Variants in DCC observed in about 807,000 individuals in gnomAD.
DCC encodes the protein netrin receptor DCC.
Under a neutral mutation model 172.5 loss-of-function variants are expected in DCC, and 58 were observed. That is an observed-to-expected ratio of 0.34 (90% CI 0.27 to 0.42). The LOEUF is 0.42. DCC is among the 10% of genes least tolerant of loss of function. The pLI, the probability that DCC is intolerant of heterozygous loss-of-function variation, is 1.00. For synonymous variants in DCC, 709 were observed against 644.5 expected, an observed-to-expected ratio of 1.10 and a Z score of -1.52; for missense variants, 1,740 against 1,791.0, an observed-to-expected ratio of 0.97 and a Z score of 0.51.
At chr18:53,183,955 A>G (rs2055239145) in intron 9 of DCC, among the ~76,000 whole-genome samples, 1 of 151,600 alleles carries the variant, frequency 6.6e-6, no homozygotes, top group African/African-American at 2.4e-5. Flanking sequence ...CAAAAATGAA[A>G]TATGATAACA....
intron 1 of DCC, among the ~76,000 whole-genome samples, chr18:52,537,292 A>T (rs2032315881): frequency 6.6e-6 from 1 of 152,342 alleles, no homozygotes; most frequent in Admixed American, 6.5e-5. Flanking sequence ...CTCCTTTATG[A>T]TATATTTAGA....
At chr18:53,029,201 T>TTATA (rs1342252567) in intron 5 of DCC, among the ~76,000 whole-genome samples, 1 of 152,142 alleles carries the variant, frequency 6.6e-6, no homozygotes, top group African/African-American at 2.4e-5. Flanking sequence ...TTTTAGCCAG[T>TTATA]TATAACTCAT....
At chr18:53,396,067 C>T (rs957733236) in intron 17 of DCC, among the ~76,000 whole-genome samples, 4 of 150,788 alleles carry the variant, frequency 2.7e-5, no homozygotes, top group Non-Finnish European at 5.9e-5. Flanking sequence ...ATGAAATATA[C>T]AATTTTCATA....
At chr18:52,688,125 T>TC (rs2035870928) in intron 1 of DCC, among the ~76,000 whole-genome samples, 2 of 112,990 alleles carry the variant, frequency 1.8e-5, no homozygotes. Context: ...TCAGGGATCT[T>TC]CTTTTTTTTT....
intron 7 of DCC, among the ~76,000 whole-genome samples, chr18:53,090,698 CAAAA>C (rs59898050): frequency 3.3e-3 from 131 of 39,326 alleles, no homozygotes; most frequent in African/African-American, 4.7e-3. Flanking sequence ...CGTCCCCCAA[CAAAA>C]AAAAAAAAAA....
At chr18:53,431,657 G>A (rs185245881) in intron 21 of DCC, among the ~76,000 whole-genome samples, 211 of 152,038 alleles carry the variant, frequency 1.4e-3, no homozygotes, top group Non-Finnish European at 2.3e-3. Flanking sequence ...GCTAATTTTC[G>A]TATTTTTAGT....
chr18:53,026,440 C>G (rs1485326359), intron 5 of DCC, among the ~76,000 whole-genome samples: 1 of 152,160 alleles, frequency 6.6e-6, no homozygotes, highest in Admixed American at 6.6e-5. Flanking sequence ...ATTCAACATT[C>G]TAATGGCTGG....
At chr18:52,705,197 C>T (rs185468153) in intron 1 of DCC, among the ~76,000 whole-genome samples, 42 of 152,192 alleles carry the variant, frequency 2.8e-4, no homozygotes, top group Admixed American at 1.0e-3. Flanking sequence ...GGGATAGTGG[C>T]GAACAATTGT....
chr18:53,404,757 TA>T (rs143351711), intron 19 of DCC, among the ~76,000 whole-genome samples: 36,191 of 148,062 alleles, frequency 0.24, 4,841 homozygotes, highest in East Asian at 0.41. Flanking sequence ...AATAAAAAAT[TA>T]AAAAAAAAAG....
In DCC at chr18:53,428,401, A is replaced by AATATATTACATATATAATATAAT. The variant is rs1568125999; in HGVS notation, c.3164-6738_3164-6716dup. 7.4e-3 allele frequency among the ~76,000 whole-genome samples: 411 copies of AATATATTACATATATAATATAAT among 55,836 alleles called. 18 individuals are homozygous for AATATATTACATATATAATATAAT. The highest frequency in any genetic ancestry group is 9.8e-3 in the Non-Finnish European group (271 of 27,620). The allele number at this position is 55,836 out of a possible 152,430, so 36.6% of individuals were successfully genotyped here. A position where few individuals can be genotyped will look rare whatever the true frequency, so the allele number is the denominator to read the frequency against. On this transcript the variant is annotated intron_variant, in intron 21 of 28. Coordinates refer to ENST00000442544, the MANE Select transcript of DCC (RefSeq NM_005215.4). ...TAATATATTGTATATAATATAATAT[A>AATATATTACATATATAATATAAT]ATATATTACATATATAATATAATAT... is the stretch of plus-strand genomic sequence containing the variant.
chr18:52,475,052 T>C (rs997106406), intron 1 of DCC, among the ~76,000 whole-genome samples: 1 of 152,228 alleles, frequency 6.6e-6, no homozygotes, highest in African/African-American at 2.4e-5. Context: ...ATTTCAGTCA[T>C]CATGATCTCA....
In DCC at chr18:53,532,716, A is replaced by T. The variant is rs141626397; in HGVS notation, c.*2063A>T. On this transcript the variant is annotated 3_prime_UTR_variant, in exon 29 of 29. Transcript: ENST00000442544. ...ATGGAACATTCTCCTTAGGCACTTGACACCCACGAGGGTAATCCTGAGTGC... is the reference window on the plus strand; with the variant it reads ...ATGGAACATTCTCCTTAGGCACTTGTCACCCACGAGGGTAATCCTGAGTGC... 6.6e-5 allele frequency: 10 copies of T among 152,176 alleles called. No homozygotes were observed. Among genetic ancestry groups the T allele is most frequent in the Non-Finnish European group, 1.5e-4 (10 of 68,020 alleles). 9.4% of individuals were successfully genotyped at this position (152,176 alleles called of 1,614,324 possible).
intron 1 of DCC, among the ~76,000 whole-genome samples, chr18:52,583,267 A>G (rs925459940): frequency 1.4e-4 from 22 of 152,236 alleles, no homozygotes; most frequent in Admixed American, 1.2e-3. Flanking sequence ...TGCAATAAAA[A>G]CACTGGAGAG....
chr18:53,356,266 A>C (rs1200307868), intron 15 of DCC, among the ~76,000 whole-genome samples: 1 of 152,120 alleles, frequency 6.6e-6, no homozygotes, highest in Admixed American at 6.6e-5. Context: ...GAATACAGTC[A>C]TAATAACACT....
chr18:53,367,781 T>G (rs2058022028), intron 15 of DCC, among the ~76,000 whole-genome samples: 1 of 152,182 alleles, frequency 6.6e-6, no homozygotes, highest in Non-Finnish European at 1.5e-5. Context: ...AATATTTACC[T>G]TTTTGCAACT....
intron 5 of DCC, among the ~76,000 whole-genome samples, chr18:52,973,608 A>T (rs903257857): frequency 2.0e-5 from 3 of 152,074 alleles, no homozygotes; most frequent in African/African-American, 7.2e-5. Flanking sequence ...TTTGTGTTCC[A>T]TGCATTCACA....
chr18:53,332,315 C>G (rs982807871), intron 14 of DCC, among the ~76,000 whole-genome samples: 1 of 151,968 alleles, frequency 6.6e-6, no homozygotes, highest in Non-Finnish European at 1.5e-5. Flanking sequence ...ATTAGGTTGA[C>G]ACAAAACTAT....
Position 53,459,448 on chromosome 18 carries a change from C to A in DCC, c.3609C>A (p.Thr1203=). 1 of 1,606,014 alleles carries A rather than the reference C, an allele frequency of 6.2e-7. No individual in the cohort carries two copies. Among genetic ancestry groups the A allele is most frequent in the Middle Eastern group, 1.7e-4 (1 of 6,050 alleles). The change falls in exon 24 of 29, where the codon ACC becomes ACA. Residue 1203 remains threonine (T), a synonymous_variant. Coordinates refer to ENST00000442544, the MANE Select transcript of DCC (RefSeq NM_005215.4). ...AAACCCAACTGGGAAGCAAAAGCAC[C>A]TCTCATTCAGGTAATTATCTTTTCA... ...QSETQLGSKS[T]SHSGQDTEEA...
chr18:52,619,388 T>C (rs2144856471), intron 1 of DCC, among the ~76,000 whole-genome samples: 1 of 152,338 alleles, frequency 6.6e-6, no homozygotes, highest in Non-Finnish European at 1.5e-5. Context: ...AACATTAAAC[T>C]TGAACATGGC....
Sources: allele counts gnomAD v4.1 joint callset (sites outside exome capture counted in the v4.1 genomes callset), GRCh38; gene constraint gnomAD v4.1.1; transcripts MANE v1.5; gene names NCBI Gene and HGNC (gene_info 2026-07-23, HGNC 2026-07-21).